QTMAN: variants seen among roughly 807,000 people sequenced by gnomAD.
QTMAN encodes the protein queuosine-tRNA mannosyltransferase.
At chr2:143,976,910 A>G in the QTMAN span, among the ~76,000 whole-genome samples, 16 of 152,306 alleles carry the variant, frequency 1.1e-4, no homozygotes, top group Middle Eastern at 3.4e-3. Context: ...GACAGTCCAG[A>G]AAGAACTGGC....
chr2:144,017,407 AT>A, the QTMAN span, among the ~76,000 whole-genome samples: 2 of 152,152 alleles, frequency 1.3e-5, no homozygotes, highest in African/African-American at 2.4e-5. Flanking sequence ...AAGTCATTTA[AT>A]TTTTCTAAAC....
At chr2:144,158,615 GA>G in the QTMAN span, among the ~76,000 whole-genome samples, 1 of 151,636 alleles carries the variant, frequency 6.6e-6, no homozygotes, top group Non-Finnish European at 1.5e-5. Context: ...TATAAAGAAG[GA>G]AAAAAATTGA....
At chr2:144,122,879 TGGGG>T in the QTMAN span, among the ~76,000 whole-genome samples, 5 of 152,184 alleles carry the variant, frequency 3.3e-5, no homozygotes, top group African/African-American at 1.2e-4. Context: ...CATATGCAGC[TGGGG>T]TTGCAAGCCC....
At chr2:144,182,643 CA>C in the QTMAN span, among the ~76,000 whole-genome samples, 3,631 of 34,964 alleles carry the variant, frequency 0.1, 42 homozygotes, top group African/African-American at 0.21. Context: ...GACTCCGTCT[CA>C]AAAAAAAAAA....
At chr2:144,279,157 G>A in the QTMAN span, among the ~76,000 whole-genome samples, 16 of 152,026 alleles carry the variant, frequency 1.1e-4, no homozygotes, top group Non-Finnish European at 1.6e-4. Flanking sequence ...AAACAACGAC[G>A]TTATGCAAAT....
the QTMAN span, among the ~76,000 whole-genome samples, chr2:144,239,264 T>C: frequency 1.3e-5 from 2 of 151,810 alleles, no homozygotes; most frequent in Non-Finnish European, 2.9e-5. Flanking sequence ...GAAAAATAAA[T>C]GTTTGGAAGT....
At chr2:144,042,209 G>T in the QTMAN span, among the ~76,000 whole-genome samples, 8 of 152,056 alleles carry the variant, frequency 5.3e-5, no homozygotes, top group Non-Finnish European at 1.2e-4. Flanking sequence ...AAAACACAAA[G>T]GACTAGGCTG....
chr2:144,039,144 T>C, the QTMAN span, among the ~76,000 whole-genome samples: 1 of 152,204 alleles, frequency 6.6e-6, no homozygotes, highest in African/African-American at 2.4e-5. Context: ...AAAAAAATTC[T>C]TCCCTTAAAT....
At chr2:144,295,833 C>T in the QTMAN span, among the ~76,000 whole-genome samples, 4 of 152,106 alleles carry the variant, frequency 2.6e-5, no homozygotes, top group Non-Finnish European at 5.9e-5. Flanking sequence ...AGGCTGGTCT[C>T]AAACAATCCT....
the QTMAN span, among the ~76,000 whole-genome samples, chr2:143,995,530 A>G: frequency 6.6e-6 from 1 of 152,164 alleles, no homozygotes; most frequent in Admixed American, 6.6e-5. Context: ...TCTGTAATGT[A>G]GTTAACATTA....
chr2:144,136,380 A>G, the QTMAN span, among the ~76,000 whole-genome samples: 1 of 111,714 alleles, frequency 9.0e-6, no homozygotes, highest in Non-Finnish European at 1.7e-5. Flanking sequence ...GAAAAGGAAA[A>G]GGAAAAGGAA....
chr2:144,310,835 T>C, the QTMAN span, among the ~76,000 whole-genome samples: 2 of 152,218 alleles, frequency 1.3e-5, no homozygotes, highest in Non-Finnish European at 2.9e-5. Flanking sequence ...AAGATTTATA[T>C]TCCTTTAAAT....
At chr2:144,123,206 C>T in the QTMAN span, among the ~76,000 whole-genome samples, 5 of 152,146 alleles carry the variant, frequency 3.3e-5, no homozygotes, top group African/African-American at 1.2e-4. Flanking sequence ...TCCAGCTACT[C>T]ACCATACCAT....
At chr2:144,209,258 C>A in the QTMAN span, among the ~76,000 whole-genome samples, 1 of 152,198 alleles carries the variant, frequency 6.6e-6, no homozygotes, top group Non-Finnish European at 1.5e-5. Context: ...TTATAAGGCC[C>A]TTTCTGGTTC....
the QTMAN span, among the ~76,000 whole-genome samples, chr2:144,036,885 T>C: frequency 2.0e-5 from 3 of 152,154 alleles, no homozygotes; most frequent in African/African-American, 4.8e-5. Flanking sequence ...TGTCCCTTCA[T>C]AGATAAATGA....
At chr2:144,165,475 A>G in the QTMAN span, among the ~76,000 whole-genome samples, 1 of 152,172 alleles carries the variant, frequency 6.6e-6, no homozygotes, top group African/African-American at 2.4e-5. Context: ...CTCAGTACAT[A>G]CTTGGCATAT....
the QTMAN span, among the ~76,000 whole-genome samples, chr2:144,157,444 T>C: frequency 6.6e-6 from 1 of 152,026 alleles, no homozygotes; most frequent in South Asian, 2.1e-4. Context: ...GACTCAGAGC[T>C]GTCCCTTCTT....
chr2:143,943,710 T>C, the QTMAN span: 3 of 152,220 alleles, frequency 2.0e-5, no homozygotes, highest in African/African-American at 4.8e-5. Context: ...CATTGACTTA[T>C]GGATTCTGCC....
At chr2:144,020,307 A>G in the QTMAN span, among the ~76,000 whole-genome samples, 2 of 152,122 alleles carry the variant, frequency 1.3e-5, no homozygotes, top group African/African-American at 4.8e-5. Flanking sequence ...TGGGCCTATA[A>G]AAACCCTGAG....
Sources: gnomAD v4.1 joint callset for allele counts (sites outside exome capture counted in the v4.1 genomes callset) on GRCh38, gnomAD v4.1.1 for gene constraint, MANE v1.5 for transcripts, NCBI Gene and HGNC (gene_info 2026-07-23, HGNC 2026-07-21) for gene names.